Variants in GALNT10 observed in about 807,000 individuals in gnomAD.
The protein encoded by GALNT10 is GalNAc transferase 10.
GALNT10 carries 41 observed loss-of-function variants against 75.0 expected under a neutral mutation model. The observed-to-expected ratio is 0.55, with a 90% CI of 0.43 to 0.71. The LOEUF (loss-of-function observed/expected upper bound fraction) is 0.71. GALNT10 is among the 30% of genes least tolerant of loss of function. The pLI is 0.00. For missense variants in GALNT10, 727 were observed against 818.5 expected, an observed-to-expected ratio of 0.89 and a Z score of 1.36; for synonymous variants, 302 against 313.0, an observed-to-expected ratio of 0.96 and a Z score of 0.37.
rs141169588 is a variant in GALNT10, at chr5:154,329,581, C to T, written c.411C>T (p.Ser137=). The T allele has an allele frequency of 6.2e-7, 1 of 1,613,692 alleles. No individual in the cohort carries two copies. Among genetic ancestry groups the T allele is most frequent in the Non-Finnish European group, 8.5e-7 (1 of 1,179,628 alleles). Residue 137 remains serine, a synonymous_variant, in exon 4 of 12, where the codon AGC becomes AGT. Transcript: ENST00000297107. ...TTATGTTTCCCTCTAGCTGCAACAG[C>T]AAGCGCTACCTGGAGACACTTCCCA... ...LPDIRHPNCN[S]KRYLETLPNT... is the part of the protein sequence containing the mutation.
intron 2 of GALNT10, among the ~76,000 whole-genome samples, chr5:154,296,861 T>C (rs1460152692): frequency 1.3e-5 from 2 of 152,190 alleles, no homozygotes; most frequent in African/African-American, 4.8e-5. Context: ...CATGATGTCT[T>C]ATGAAGCATT....
In GALNT10 at chr5:154,338,263, C is replaced by T. The variant is rs1223459137; in HGVS notation, c.568+8525C>T. The T allele has an allele frequency of 4.3e-6, 3 of 696,884 alleles. No individual in the cohort carries two copies. In the African/African-American group the frequency reaches 5.2e-5, roughly 12 times the overall value. The allele number at this position is 696,884 out of a possible 1,614,324, so 43.2% of individuals were successfully genotyped here. A position where few individuals can be genotyped will look rare whatever the true frequency, so the allele number is the denominator to read the frequency against. ...TGGCATAGGTGGCAAACCCACAGCC[C>T]CTGGAGTGCTTGGTGCTTGGATCTC... On this transcript the variant is annotated intron_variant, in intron 4 of 11. Coordinates refer to ENST00000297107, the MANE Select transcript of GALNT10 (RefSeq NM_198321.4).
chr5:154,304,730 C>T (rs112938335), intron 3 of GALNT10, among the ~76,000 whole-genome samples: 100 of 152,176 alleles, frequency 6.6e-4, no homozygotes, highest in Non-Finnish European at 1.3e-3. Context: ...AATAACATTA[C>T]TGGATTTAAA....
chr5:154,419,939 G>A lies in GALNT10; in HGVS notation c.*2967G>A, dbSNP rs988441526. 3.3e-5 allele frequency: 5 copies of A among 152,238 alleles called. No individual in the cohort carries two copies. Among genetic ancestry groups the A allele is most frequent in the Admixed American group, 2.6e-4 (4 of 15,282 alleles). The allele number at this position is 152,238 out of a possible 1,614,324, so 9.4% of individuals were successfully genotyped here. On this transcript the variant is annotated 3_prime_UTR_variant, in exon 12 of 12. Coordinates refer to ENST00000297107, the MANE Select transcript of GALNT10 (RefSeq NM_198321.4). Reference sequence around the variant, plus strand: ...TCACAAAGTAGGGTGTGACTTGAAAGTATCGTGACCATGTGGCCCACCAGC... The same window carrying A: ...TCACAAAGTAGGGTGTGACTTGAAAATATCGTGACCATGTGGCCCACCAGC...
chr5:154,214,240 A>G (rs1200767820), intron 1 of GALNT10, among the ~76,000 whole-genome samples: 1 of 152,200 alleles, frequency 6.6e-6, no homozygotes, highest in African/African-American at 2.4e-5. Flanking sequence ...CACAAAAAAA[A>G]AAATCAGCCT....
intron 1 of GALNT10, among the ~76,000 whole-genome samples, chr5:154,293,613 A>ATTTTTTTTTTTTTTTTTTTTTTTT (rs1201863629): frequency 4.6e-5 from 5 of 109,406 alleles, no homozygotes; most frequent in Admixed American, 7.9e-5. Flanking sequence ...ATATATATAT[A>ATTTTTTTTTTTTTTTTTTTTTTTT]TTTTTTTTTT....
chr5:154,284,646 A>G (rs969750005), intron 1 of GALNT10, among the ~76,000 whole-genome samples: 2 of 152,224 alleles, frequency 1.3e-5, no homozygotes, highest in Non-Finnish European at 2.9e-5. Context: ...GATTGATCAC[A>G]CATCAGCTAG....
chr5:154,261,945 T>C (rs2443520), intron 1 of GALNT10, among the ~76,000 whole-genome samples: 37,172 of 152,036 alleles, frequency 0.24, 5,531 homozygotes, highest in African/African-American at 0.42. Flanking sequence ...AATGATAACA[T>C]CTATCTGCCC....
At chr5:154,227,189 C>T (rs1192271791) in intron 1 of GALNT10, among the ~76,000 whole-genome samples, 1 of 152,140 alleles carries the variant, frequency 6.6e-6, no homozygotes, top group Non-Finnish European at 1.5e-5. Flanking sequence ...GCTTTTATTT[C>T]TCTTGGGTAA....
intron 1 of GALNT10, among the ~76,000 whole-genome samples, chr5:154,230,356 G>A (rs1347240364): frequency 1.3e-5 from 2 of 152,152 alleles, no homozygotes; most frequent in African/African-American, 2.4e-5. Context: ...GTCCCCAAGG[G>A]GTTTACTAGT....
chr5:154,221,220 G>T (rs1752972966), intron 1 of GALNT10, among the ~76,000 whole-genome samples: 1 of 152,164 alleles, frequency 6.6e-6, no homozygotes, highest in South Asian at 2.1e-4. Flanking sequence ...CTAGAATCAG[G>T]GTACGTGGGT....
chr5:154,323,831 T>C (rs960480769), intron 3 of GALNT10, among the ~76,000 whole-genome samples: 2 of 152,180 alleles, frequency 1.3e-5, no homozygotes, highest in African/African-American at 4.8e-5. Flanking sequence ...CCCCCTACGA[T>C]GTTCAGTGCT....
chr5:154,344,264 T>A lies in GALNT10; in HGVS notation c.568+14526T>A, dbSNP rs574149391. On this transcript the variant is annotated intron_variant, in intron 4 of 11. Transcript: ENST00000297107. ...ACTCTGTCTGTCGCCCAGGCTGAAG[T>A]ACAGTGGCATGATCTCGGCTCACTG... is the stretch of plus-strand genomic sequence containing the variant. 7.4e-5 allele frequency among the ~76,000 whole-genome samples: 11 copies of A among 148,878 alleles called. No homozygotes were observed. The East Asian group carries it at 1.8e-3, about 24-fold the overall frequency.
chr5:154,399,309 C>T (rs1290403003), intron 7 of GALNT10, among the ~76,000 whole-genome samples: 1 of 152,194 alleles, frequency 6.6e-6, no homozygotes. Context: ...AGCACCACCC[C>T]CCTAGCCCGT....
intron 10 of GALNT10, among the ~76,000 whole-genome samples, chr5:154,413,929 A>C (rs1756451835): frequency 6.6e-6 from 1 of 152,250 alleles, no homozygotes; most frequent in African/African-American, 2.4e-5. Flanking sequence ...TATATAAATG[A>C]AAGGACTTGT....
intron 1 of GALNT10, among the ~76,000 whole-genome samples, chr5:154,239,700 G>A (rs1246321955): frequency 6.6e-6 from 1 of 152,226 alleles, no homozygotes; most frequent in Non-Finnish European, 1.5e-5. Context: ...GGTTACAGAT[G>A]TGAACCGCCC....
chr5:154,242,243 T>G (rs1753348230), intron 1 of GALNT10, among the ~76,000 whole-genome samples: 1 of 152,202 alleles, frequency 6.6e-6, no homozygotes, highest in Admixed American at 6.5e-5. Context: ...ACTATTTTTT[T>G]AGGTTGGTCC....
At chr5:154,286,188 A>G (rs1419724102) in intron 1 of GALNT10, among the ~76,000 whole-genome samples, 2 of 152,116 alleles carry the variant, frequency 1.3e-5, no homozygotes, top group African/African-American at 2.4e-5. Flanking sequence ...ACATACTTCT[A>G]TAAGCTCTAT....
chr5:154,326,480 AG>A (rs1387152426), intron 3 of GALNT10, among the ~76,000 whole-genome samples: 1 of 152,226 alleles, frequency 6.6e-6, no homozygotes, highest in African/African-American at 2.4e-5. Flanking sequence ...AATAGCCAAA[AG>A]GGGGAAACAG....
Sources: gnomAD v4.1 joint callset for allele counts (sites outside exome capture counted in the v4.1 genomes callset) on GRCh38, gnomAD v4.1.1 for gene constraint, MANE v1.5 for transcripts, NCBI Gene and HGNC (gene_info 2026-07-23, HGNC 2026-07-21) for gene names.